The following ADCY2 variants were observed in gnomAD, a reference collection of about 807,000 sequenced individuals.
ADCY2 encodes the protein adenylate cyclase type 2.
ADCY2 carries 31 observed loss-of-function variants against 125.2 expected under a neutral mutation model. The observed-to-expected ratio is 0.25, with a 90% CI of 0.19 to 0.33. The LOEUF is 0.33. Among genes scored for constraint, ADCY2 ranks in the 10% least tolerant of loss-of-function variants. The probability of loss-of-function intolerance (pLI) is 1.00; values close to 1 mark genes in which losing one functional copy is unlikely to be tolerated. For synonymous variants in ADCY2, 512 were observed against 548.4 expected (o/e 0.93, Z 0.93); for missense variants, 904 against 1,418.2 (o/e 0.64, Z 5.82).
intron 14 of ADCY2, among the ~76,000 whole-genome samples, chr5:7,736,069 A>G (rs373680129): frequency 6.6e-6 from 1 of 152,100 alleles, no homozygotes; most frequent in Non-Finnish European, 1.5e-5. Flanking sequence ...AAATACAAAA[A>G]TTGGCCATAC....
At chr5:7,499,567 G>T (rs1743471122) in intron 2 of ADCY2, among the ~76,000 whole-genome samples, 1 of 149,150 alleles carries the variant, frequency 6.7e-6, no homozygotes, top group Admixed American at 6.7e-5. Context: ...TGAGGTCAAA[G>T]GATATAATTT....
chr5:7,826,483 G>A, intron 24 of ADCY2: 1 of 634,488 alleles, frequency 1.6e-6, no homozygotes, highest in South Asian at 1.6e-5. Context: ...GTTTACTGGA[G>A]TTACTTGAAT....
intron 7 of ADCY2, among the ~76,000 whole-genome samples, chr5:7,699,349 G>A (rs959897839): frequency 1.3e-4 from 19 of 151,446 alleles, no homozygotes; most frequent in African/African-American, 3.9e-4. Flanking sequence ...CGCCCGCCTC[G>A]GCCTCCCAAA....
At chr5:7,597,921 A>G (rs995781586) in intron 3 of ADCY2, among the ~76,000 whole-genome samples, 2 of 152,100 alleles carry the variant, frequency 1.3e-5, no homozygotes, top group Non-Finnish European at 2.9e-5. Context: ...AATCCTTGCA[A>G]TGTCTTACTG....
chr5:7,727,120 T>G, intron 13 of ADCY2, 44 bp from the exon 14 acceptor site: 1 of 1,466,808 alleles, frequency 6.8e-7, no homozygotes, highest in Non-Finnish European at 9.5e-7. Flanking sequence ...GTGCAGCTCT[T>G]CTCTTGGAGA....
At chr5:7,780,652 A>C (rs1243699433) in intron 18 of ADCY2, among the ~76,000 whole-genome samples, 1 of 152,246 alleles carries the variant, frequency 6.6e-6, no homozygotes, top group Non-Finnish European at 1.5e-5. Context: ...ACAGCACAAG[A>C]GAAATTAGAC....
At chr5:7,793,357 A>G (rs563630481) in intron 20 of ADCY2, among the ~76,000 whole-genome samples, 2 of 152,340 alleles carry the variant, frequency 1.3e-5, no homozygotes, top group Non-Finnish European at 2.9e-5. Context: ...AGACTGAGGC[A>G]GGAGAATCGC....
chr5:7,457,081 A>G (rs1224916164), intron 2 of ADCY2, among the ~76,000 whole-genome samples: 1 of 152,160 alleles, frequency 6.6e-6, no homozygotes, highest in African/African-American at 2.4e-5. Flanking sequence ...TCATTTAACA[A>G]ACTCTACAGA....
intron 4 of ADCY2, among the ~76,000 whole-genome samples, chr5:7,644,502 C>T (rs1738827316): frequency 6.6e-6 from 1 of 152,092 alleles, no homozygotes; most frequent in Non-Finnish European, 1.5e-5. Context: ...GCTTTTAGCC[C>T]ATCATACATT....
intron 22 of ADCY2, among the ~76,000 whole-genome samples, chr5:7,810,993 T>A (rs958592882): frequency 6.6e-6 from 1 of 152,226 alleles, no homozygotes; most frequent in African/African-American, 2.4e-5. Flanking sequence ...AAGGAAACTT[T>A]CATTCAGACC....
At chr5:7,610,265 C>T (rs1737532711) in intron 3 of ADCY2, among the ~76,000 whole-genome samples, 1 of 152,134 alleles carries the variant, frequency 6.6e-6, no homozygotes, top group South Asian at 2.1e-4. Context: ...GGGCAGTGCC[C>T]TGGAGATTGC....
intron 24 of ADCY2, among the ~76,000 whole-genome samples, chr5:7,823,444 A>G (rs1745365312): frequency 6.6e-6 from 1 of 152,212 alleles, no homozygotes; most frequent in South Asian, 2.1e-4. Flanking sequence ...TTGCCCAGCC[A>G]GAACAAGAAT....
chr5:7,429,923 A>G (rs1421770571), intron 2 of ADCY2, among the ~76,000 whole-genome samples: 1 of 152,170 alleles, frequency 6.6e-6, no homozygotes, highest in Admixed American at 6.5e-5. Context: ...TGAAATCCCA[A>G]CTGGTTCTTT....
rs961765370 is a variant in ADCY2, at chr5:7,707,852, TAA to T, written c.1401+16_1401+17del. The T allele has an allele frequency of 6.2e-7, 1 of 1,612,134 alleles. No homozygotes were observed. The highest frequency in any genetic ancestry group is 1.3e-5 in the African/African-American group (1 of 74,868). On this transcript the variant is annotated intron_variant, in intron 9 of 24. Coordinates refer to ENST00000338316, the MANE Select transcript of ADCY2 (RefSeq NM_020546.3). ...ATCAACCCCAAGGTCAGTATCATTG[TAA>T]AGAGTCTATGATGAAAAGGGAGGAG...
chr5:7,709,243 A>G lies in ADCY2; in HGVS notation c.1434A>G (p.Arg478=). 1.2e-6 allele frequency: 2 copies of G among 1,613,284 alleles called. No individual in the cohort carries two copies. The highest frequency in any genetic ancestry group is 1.7e-6 in the Non-Finnish European group (2 of 1,179,744). The change falls in exon 10 of 25, where the codon AGA becomes AGG. Residue 478 remains arginine, a synonymous_variant. Transcript: ENST00000338316. The surrounding 1 kb of genome is among the most constrained non-coding windows in gnomAD (Gnocchi z 4.4). ...GERRSPQHLF[R]PRHTLDGAKM... ...GACGGAGCCCCCAGCATCTCTTCAG[A>G]CCTCGCCACACCCTTGATGGAGCCA... is the stretch of plus-strand genomic sequence containing the variant.
intron 3 of ADCY2, among the ~76,000 whole-genome samples, chr5:7,602,781 C>T (rs908541862): frequency 1.7e-4 from 26 of 152,156 alleles, no homozygotes; most frequent in African/African-American, 4.6e-4. Flanking sequence ...TTAACAGAAG[C>T]GTATCCTACA....
chr5:7,640,861 G>T (rs769396988), intron 4 of ADCY2, among the ~76,000 whole-genome samples: 2 of 152,072 alleles, frequency 1.3e-5, no homozygotes, highest in Non-Finnish European at 2.9e-5. Context: ...AGGATAATGG[G>T]CTAGATTGTC....
intron 24 of ADCY2, among the ~76,000 whole-genome samples, chr5:7,823,611 G>T (rs1366622223): frequency 6.6e-6 from 1 of 152,148 alleles, no homozygotes; most frequent in African/African-American, 2.4e-5. Context: ...AGAGAGGCCT[G>T]CCCCTACCAA....
intron 2 of ADCY2, among the ~76,000 whole-genome samples, chr5:7,461,982 G>C (rs1741933837): frequency 6.6e-6 from 1 of 152,210 alleles, no homozygotes; most frequent in African/African-American, 2.4e-5. Context: ...GAATGCCATG[G>C]AGGGCAAGGC....
Sources: gnomAD v4.1 joint callset for allele counts (sites outside exome capture counted in the v4.1 genomes callset) on GRCh38, gnomAD v4.1.1 for gene constraint, Gnocchi (gnomAD v3.1) non-coding constraint, MANE v1.5 for transcripts, NCBI Gene and HGNC (gene_info 2026-07-23, HGNC 2026-07-21) for gene names.